The following SLIT3 variants were observed in gnomAD, a reference collection of about 807,000 sequenced individuals.
SLIT3 encodes the protein slit homolog 3 protein.
SLIT3 carries 68 observed loss-of-function variants against 184.0 expected under a neutral mutation model. The ratio of observed to expected loss-of-function variants is 0.37; its 90% confidence interval spans 0.30 to 0.45. The LOEUF (loss-of-function observed/expected upper bound fraction) is 0.45, where lower values mean the gene tolerates loss of function less well. SLIT3 is among the 20% of genes least tolerant of loss of function. The pLI is 1.00. For missense variants in SLIT3, 1,707 were observed against 2,026.0 expected, an observed-to-expected ratio of 0.84 and a Z score of 3.02; for synonymous variants, 831 against 828.6, an observed-to-expected ratio of 1.00 and a Z score of -0.05.
chr5:169,126,685 G>T (rs1381380020), intron 4 of SLIT3, among the ~76,000 whole-genome samples: 1 of 152,238 alleles, frequency 6.6e-6, no homozygotes, highest in Non-Finnish European at 1.5e-5. Flanking sequence ...CAGGGTGCAA[G>T]GGGCAATGCT....
At chr5:168,798,694 TTG>T (rs913446312) in intron 9 of SLIT3, among the ~76,000 whole-genome samples, 4 of 151,990 alleles carry the variant, frequency 2.6e-5, no homozygotes, top group Admixed American at 6.6e-5. Context: ...TGCGAACAGT[TTG>T]TGTACCTTCA....
At chr5:169,299,590 A>T (rs1315501821) in intron 1 of SLIT3, among the ~76,000 whole-genome samples, 3 of 151,348 alleles carry the variant, frequency 2.0e-5, no homozygotes, top group Non-Finnish European at 4.4e-5. Flanking sequence ...CCCTTACCCC[A>T]CCCCAACTGC....
At chr5:168,829,048 T>C (rs577760902) in intron 6 of SLIT3, among the ~76,000 whole-genome samples, 4 of 152,270 alleles carry the variant, frequency 2.6e-5, no homozygotes, top group Admixed American at 6.5e-5. Context: ...GCCCCTGGCT[T>C]CCACTGTTCC....
chr5:168,972,926 G>A lies in SLIT3; in HGVS notation c.414-89590C>T, dbSNP rs1342256839. 2.6e-5 allele frequency among the ~76,000 whole-genome samples: 4 copies of A among 152,254 alleles called. No homozygotes were observed. The East Asian group carries it at 7.7e-4, about 29-fold the overall frequency. On this transcript the variant is annotated intron_variant, in intron 4 of 35. Coordinates refer to ENST00000519560, the MANE Select transcript of SLIT3 (RefSeq NM_003062.4). ...GCCGTGCCACAGATATCCCCCACAT[G>A]GATTCTTTTCCTCTTTAGGTGTAAG... is the stretch of plus-strand genomic sequence containing the variant.
chr5:169,253,248 T>A (rs530659916), intron 1 of SLIT3, among the ~76,000 whole-genome samples: 1 of 152,308 alleles, frequency 6.6e-6, no homozygotes. Context: ...CCTTGACAAC[T>A]GTGAATATGA....
At chr5:168,987,947 G>A (rs565975646) in intron 4 of SLIT3, among the ~76,000 whole-genome samples, 5 of 152,312 alleles carry the variant, frequency 3.3e-5, no homozygotes, top group Non-Finnish European at 7.4e-5. Context: ...CTGTGTCACA[G>A]CTGAAGCAGA....
intron 4 of SLIT3, among the ~76,000 whole-genome samples, chr5:168,905,804 A>G (rs1282762438): frequency 2.0e-5 from 3 of 151,966 alleles, no homozygotes; most frequent in South Asian, 2.1e-4. Context: ...TTCCACCATC[A>G]CCCATTTAGA....
rs1049809846 is a variant in SLIT3 at position 168,972,378 on chromosome 5, A to T, written c.414-89042T>A. ...GTGTGTGTGTGTGTGTGTGTGTGTG[A>T]AGAGAGAAATCAGAAAAGAAAGAGT... On this transcript the variant is annotated intron_variant, in intron 4 of 35. Transcript: ENST00000519560. 2.9e-3 allele frequency among the ~76,000 whole-genome samples: 99 copies of T among 33,984 alleles called. 1 individual carries two copies. The highest frequency in any genetic ancestry group is 0.018 in the African/African-American group (88 of 4,984). 22.3% of individuals were successfully genotyped at this position (33,984 alleles called of 152,430 possible).
intron 4 of SLIT3, among the ~76,000 whole-genome samples, chr5:169,099,344 G>T (rs1381079772): frequency 1.3e-5 from 2 of 152,058 alleles, no homozygotes; most frequent in Non-Finnish European, 2.9e-5. Context: ...TTATCCTCAT[G>T]CTTGTGTGAC....
chr5:168,694,034 C>T (rs1761982315), intron 28 of SLIT3, among the ~76,000 whole-genome samples: 1 of 152,158 alleles, frequency 6.6e-6, no homozygotes, highest in African/African-American at 2.4e-5. Context: ...GTTGACACTT[C>T]CTAGCTGCTT....
At chr5:168,760,227 G>C (rs1189639008) in intron 16 of SLIT3, among the ~76,000 whole-genome samples, 1 of 152,188 alleles carries the variant, frequency 6.6e-6, no homozygotes, top group African/African-American at 2.4e-5. Flanking sequence ...GGACTCTACT[G>C]GTGCACCAAC....
intron 26 of SLIT3, 105 bp downstream of exon 26, chr5:168,707,871 C>T: frequency 1.4e-6 from 2 of 1,418,132 alleles, no homozygotes; most frequent in Admixed American, 3.8e-5. Context: ...TCCAGGCTGT[C>T]CCTTGGAGAA....
intron 35 of SLIT3, among the ~76,000 whole-genome samples, chr5:168,669,319 A>G (rs1761158336): frequency 6.6e-6 from 1 of 152,156 alleles, no homozygotes; most frequent in Non-Finnish European, 1.5e-5. Context: ...TGGCGCAAGG[A>G]CCCTCAAAGA....
intron 3 of SLIT3, among the ~76,000 whole-genome samples, chr5:169,217,791 G>A (rs1015058044): frequency 6.6e-6 from 1 of 152,276 alleles, no homozygotes; most frequent in Middle Eastern, 3.4e-3. Context: ...AATTCCGAGA[G>A]GTGGGAGGTC....
At chr5:168,740,269 G>T (rs984327705) in intron 20 of SLIT3, among the ~76,000 whole-genome samples, 1 of 152,120 alleles carries the variant, frequency 6.6e-6, no homozygotes, top group African/African-American at 2.4e-5. Context: ...ACTCACCCAG[G>T]GTAGAACTGA....
intron 4 of SLIT3, among the ~76,000 whole-genome samples, chr5:168,971,434 T>C (rs537151062): frequency 3.0e-4 from 45 of 152,334 alleles, no homozygotes; most frequent in African/African-American, 1.0e-3. Flanking sequence ...ATTTCCTTCA[T>C]TTCGCTGTCT....
intron 6 of SLIT3, among the ~76,000 whole-genome samples, chr5:168,842,011 G>A (rs1758270901): frequency 1.3e-5 from 2 of 152,136 alleles, no homozygotes; most frequent in Admixed American, 1.3e-4. Flanking sequence ...TACTGTCACT[G>A]AGTTCCTATT....
chr5:168,895,352 G>A (rs1332535490), intron 4 of SLIT3, among the ~76,000 whole-genome samples: 1 of 152,182 alleles, frequency 6.6e-6, no homozygotes, highest in Non-Finnish European at 1.5e-5. Context: ...AGAGGTTGGA[G>A]TTTGGCAGGC....
chr5:168,971,168 A>C (rs562071461), intron 4 of SLIT3, among the ~76,000 whole-genome samples: 1 of 152,272 alleles, frequency 6.6e-6, no homozygotes, highest in African/African-American at 2.4e-5. Flanking sequence ...CGCTATTAGC[A>C]TATTTCAAGT....
Sources: gnomAD v4.1 joint callset for allele counts (sites outside exome capture counted in the v4.1 genomes callset) on GRCh38, gnomAD v4.1.1 for gene constraint, MANE v1.5 for transcripts, NCBI Gene and HGNC (gene_info 2026-07-23, HGNC 2026-07-21) for gene names.